FOXP2: variants seen among roughly 807,000 people sequenced by gnomAD.
FOXP2 encodes forkhead box P2, also known as forkhead box protein P2.
Under a neutral mutation model 115.8 loss-of-function variants are expected in FOXP2, and 12 were observed. The ratio of observed to expected loss-of-function variants is 0.10; its 90% CI spans 0.07 to 0.17. FOXP2 has a LOEUF of 0.17. Ranked by LOEUF, FOXP2 falls within the 10% of genes least tolerant of loss-of-function variation. FOXP2 has a pLI of 1.00. For synonymous variants in FOXP2, 328 were observed against 297.7 expected, an observed-to-expected ratio of 1.10 and a Z score of -1.05; for missense variants, 629 against 843.5, an observed-to-expected ratio of 0.75 and a Z score of 3.15.
chr7:114,369,005 T>C (rs1339276506), intron 2 of FOXP2, among the ~76,000 whole-genome samples: 2 of 152,154 alleles, frequency 1.3e-5, no homozygotes, highest in African/African-American at 4.8e-5. Context: ...TAGACCGAAG[T>C]TGGAGGATCG....
At chr7:114,295,813 G>A (rs571590030) in intron 2 of FOXP2, among the ~76,000 whole-genome samples, 1 of 152,180 alleles carries the variant, frequency 6.6e-6, no homozygotes, top group Admixed American at 6.5e-5. Context: ...TATTAGGCTT[G>A]GCTCACATTT....
At chr7:114,606,672 A>G (rs1342328842) in intron 3 of FOXP2, among the ~76,000 whole-genome samples, 1 of 152,202 alleles carries the variant, frequency 6.6e-6, no homozygotes, top group African/African-American at 2.4e-5. Context: ...GAGGAAGCCT[A>G]TGGTAACATA....
intron 1 of FOXP2, among the ~76,000 whole-genome samples, chr7:114,167,316 T>A (rs1275592947): frequency 6.6e-6 from 1 of 152,132 alleles, no homozygotes; most frequent in Non-Finnish European, 1.5e-5. Context: ...TACTGCTAAG[T>A]GATTGAAGCT....
chr7:114,648,348 C>T (rs1345857292), intron 8 of FOXP2, among the ~76,000 whole-genome samples: 1 of 152,026 alleles, frequency 6.6e-6, no homozygotes. Context: ...ATTTAAACTC[C>T]TGTCAGTGTT....
intron 1 of FOXP2, among the ~76,000 whole-genome samples, chr7:114,259,176 C>G (rs1044763088): frequency 6.6e-6 from 1 of 152,058 alleles, no homozygotes; most frequent in African/African-American, 2.4e-5. Flanking sequence ...AGTAGAATAG[C>G]TGGAAGAATA....
chr7:114,225,081 T>G (rs1794713067), intron 1 of FOXP2, among the ~76,000 whole-genome samples: 2 of 152,156 alleles, frequency 1.3e-5, no homozygotes, highest in South Asian at 4.1e-4. Context: ...AATCTATTAT[T>G]TTTATATTTT....
chr7:114,676,478 G>A (rs763873304), intron 16 of FOXP2, among the ~76,000 whole-genome samples: 28 of 152,128 alleles, frequency 1.8e-4, no homozygotes, highest in Admixed American at 6.5e-4. Context: ...AATAAAATCA[G>A]TTTCCATAAT....
chr7:114,099,745 A>G (rs1034592826), intron 1 of FOXP2, among the ~76,000 whole-genome samples: 6 of 152,218 alleles, frequency 3.9e-5, no homozygotes, highest in Non-Finnish European at 1.5e-5. Context: ...TCTGATATAA[A>G]ATGGTATAGT....
chr7:114,433,464 T>C (rs1210835987), intron 2 of FOXP2, among the ~76,000 whole-genome samples: 1 of 152,022 alleles, frequency 6.6e-6, no homozygotes. Context: ...TTCTCCAAAG[T>C]TGTATCTCAG....
At chr7:114,333,740 T>C (rs1027747470) in intron 2 of FOXP2, among the ~76,000 whole-genome samples, 1 of 152,110 alleles carries the variant, frequency 6.6e-6, no homozygotes, top group Non-Finnish European at 1.5e-5. Flanking sequence ...ATACAAAAAT[T>C]AGCTGGGTGT....
chr7:114,117,531 G>T (rs1287098260), intron 1 of FOXP2, among the ~76,000 whole-genome samples: 4 of 152,040 alleles, frequency 2.6e-5, no homozygotes, highest in African/African-American at 9.7e-5. Context: ...AACTTTGTTT[G>T]ATCTTTATAG....
chr7:114,352,788 C>T (rs1028855949), intron 2 of FOXP2, among the ~76,000 whole-genome samples: 2 of 151,916 alleles, frequency 1.3e-5, no homozygotes, highest in Admixed American at 6.6e-5. Flanking sequence ...AGGACTTCAA[C>T]TATAATTTTT....
chr7:114,173,627 A>C (rs1793208441), intron 1 of FOXP2, among the ~76,000 whole-genome samples: 1 of 151,894 alleles, frequency 6.6e-6, no homozygotes, highest in Non-Finnish European at 1.5e-5. Context: ...GTTTCTCTGA[A>C]AACTTGGCAT....
At chr7:114,672,417 T>G (rs867180450) in intron 16 of FOXP2, among the ~76,000 whole-genome samples, 2 of 152,160 alleles carry the variant, frequency 1.3e-5, no homozygotes, top group Middle Eastern at 6.8e-3. Flanking sequence ...AAACCCCGTC[T>G]CTACTAAAAA....
intron 2 of FOXP2, among the ~76,000 whole-genome samples, chr7:114,476,772 G>T (rs1298915670): frequency 6.6e-6 from 1 of 151,908 alleles, no homozygotes; most frequent in African/African-American, 2.4e-5. Flanking sequence ...TTTCCCATTT[G>T]TTTGTGTCAT....
chr7:114,439,122 C>T (rs1794484717), intron 2 of FOXP2, among the ~76,000 whole-genome samples: 1 of 152,132 alleles, frequency 6.6e-6, no homozygotes, highest in South Asian at 2.1e-4. Context: ...GATCCATTCT[C>T]TTGTCATATA....
intron 2 of FOXP2, among the ~76,000 whole-genome samples, chr7:114,450,990 G>A (rs1294834510): frequency 6.6e-6 from 1 of 151,900 alleles, no homozygotes; most frequent in Non-Finnish European, 1.5e-5. Flanking sequence ...AATGAGAAAA[G>A]CTTACTCTTA....
At chr7:114,118,064 G>C (rs1026745350) in intron 1 of FOXP2, among the ~76,000 whole-genome samples, 2 of 152,014 alleles carry the variant, frequency 1.3e-5, no homozygotes, top group Admixed American at 6.6e-5. Context: ...AATGTTGAGG[G>C]GTCACATTAA....
chr7:114,674,411 A>T (rs973609658), intron 16 of FOXP2, among the ~76,000 whole-genome samples: 1 of 152,180 alleles, frequency 6.6e-6, no homozygotes, highest in African/African-American at 2.4e-5. Flanking sequence ...TTTCTTTAAG[A>T]AGGAATATTT....
Sources: gnomAD v4.1 joint callset for allele counts (sites outside exome capture counted in the v4.1 genomes callset) on GRCh38, gnomAD v4.1.1 for gene constraint, MANE v1.5 for transcripts, NCBI Gene and HGNC (gene_info 2026-07-23, HGNC 2026-07-21) for gene names.